Variants in ATP10B observed in about 807,000 individuals in gnomAD.
ATP10B encodes the protein ATPase phospholipid transporting 10B (putative).
ATP10B carries 122 observed loss-of-function variants against 141.2 expected under a neutral mutation model. The ratio of observed to expected loss-of-function variants is 0.86; its 90% CI spans 0.75 to 1.00. The LOEUF (loss-of-function observed/expected upper bound fraction) is 1.00, where lower values mean the gene tolerates loss of function less well. Ranked by LOEUF, ATP10B falls within the 50% of genes least tolerant of loss-of-function variation. ATP10B has a pLI of 0.00. For missense variants in ATP10B, 1,876 were observed against 1,825.3 expected (o/e 1.03, Z -0.51); for synonymous variants, 685 against 692.0 (o/e 0.99, Z 0.16).
chr5:160,618,983 A>C (rs1758175270), intron 15 of ATP10B, among the ~76,000 whole-genome samples: 1 of 152,146 alleles, frequency 6.6e-6, no homozygotes, highest in Non-Finnish European at 1.5e-5. Context: ...CAAAACTCTG[A>C]TTTTTCCATG....
chr5:160,887,136 A>ACAGC, the ATP10B span, among the ~76,000 whole-genome samples: 4 of 152,356 alleles, frequency 2.6e-5, no homozygotes, highest in Admixed American at 2.6e-4. Context: ...AAATGGAAAT[A>ACAGC]CAGCTGTCCT....
chr5:160,903,646 A>G, the ATP10B span, among the ~76,000 whole-genome samples: 2 of 152,144 alleles, frequency 1.3e-5, no homozygotes, highest in Admixed American at 6.5e-5. Context: ...TTCCATTTAG[A>G]TTATGGTAGA....
chr5:160,796,636 G>A (rs1449925418), intron 1 of ATP10B, among the ~76,000 whole-genome samples: 6 of 152,170 alleles, frequency 3.9e-5, no homozygotes, highest in African/African-American at 7.2e-5. Context: ...ATTCCTCCAG[G>A]AGGGCATTTG....
chr5:160,886,371 G>A, the ATP10B span, among the ~76,000 whole-genome samples: 4 of 152,178 alleles, frequency 2.6e-5, no homozygotes, highest in African/African-American at 9.6e-5. Flanking sequence ...AGCATCTCGG[G>A]ATAATTTTAC....
intron 2 of ATP10B, among the ~76,000 whole-genome samples, chr5:160,757,930 A>G (rs1438815432): frequency 6.6e-6 from 1 of 151,906 alleles, no homozygotes; most frequent in Non-Finnish European, 1.5e-5. Flanking sequence ...TAGCACCCCG[A>G]CTCCCAAGTG....
At chr5:160,767,795 A>G (rs186371583) in intron 2 of ATP10B, among the ~76,000 whole-genome samples, 6 of 152,232 alleles carry the variant, frequency 3.9e-5, no homozygotes, top group Admixed American at 2.0e-4. Flanking sequence ...CCTTCTGAAT[A>G]TGGCAATTGC....
intron 12 of ATP10B, chr5:160,634,134 T>C (rs780598372): frequency 1.4e-6 from 1 of 718,878 alleles, no homozygotes; most frequent in South Asian, 1.5e-5. Flanking sequence ...GAACCACATA[T>C]GGGATAACTT....
intron 11 of ATP10B, among the ~76,000 whole-genome samples, chr5:160,635,815 G>A (rs1359609491): frequency 6.6e-6 from 1 of 151,124 alleles, no homozygotes; most frequent in Non-Finnish European, 1.5e-5. Flanking sequence ...TGTTGGGGCA[G>A]AGAGTTCTCT....
rs375402151 is a variant in ATP10B at position 160,615,894 on chromosome 5, C to T, written c.2597G>A (p.Arg866Gln). ...RREAEASLDN[R>Q]DELLMETAQH... ...TGCAGTTTCCATGAGAAGCTCATCT[C>T]GGTTGTCGAGGGATGCCTCAGCCTC... The change falls in exon 17 of 26, where the codon CGA (arginine) becomes CAA (glutamine). Residue 866 changes from arginine to glutamine, a missense_variant. By Grantham distance (43) the Arg-to-Gln change is conservative. Coordinates refer to ENST00000327245, the MANE Select transcript of ATP10B (RefSeq NM_025153.3). 19 of 1,613,828 alleles carry T rather than the reference C, an allele frequency of 1.2e-5. No homozygotes were observed. In the African/African-American group the frequency reaches 1.2e-4, roughly 10 times the overall value.
At chr5:160,677,198 C>T (rs1763085736) in intron 6 of ATP10B, among the ~76,000 whole-genome samples, 2 of 152,210 alleles carry the variant, frequency 1.3e-5, no homozygotes, top group Non-Finnish European at 2.9e-5. Flanking sequence ...ATGACTCTCC[C>T]ACCCAGTGAG....
chr5:160,858,322 T>C, the ATP10B span, among the ~76,000 whole-genome samples: 1 of 151,850 alleles, frequency 6.6e-6, no homozygotes, highest in Admixed American at 6.6e-5. Context: ...AATATATCTT[T>C]TTCCATCCTT....
intron 2 of ATP10B, among the ~76,000 whole-genome samples, chr5:160,740,828 C>T (rs915246460): frequency 4.6e-5 from 7 of 152,104 alleles, no homozygotes; most frequent in Admixed American, 1.3e-4. Flanking sequence ...GTAGCAGTGG[C>T]GGAATTCTTT....
At chr5:160,921,274 GT>G in the ATP10B span, among the ~76,000 whole-genome samples, 11,468 of 121,628 alleles carry the variant, frequency 0.094, 1,433 homozygotes, top group African/African-American at 0.3. Context: ...TCAGCACTTT[GT>G]TTTTTTTTTT....
At chr5:160,684,131 G>A (rs1045020211) in intron 6 of ATP10B, among the ~76,000 whole-genome samples, 1 of 152,172 alleles carries the variant, frequency 6.6e-6, no homozygotes, top group East Asian at 1.9e-4. Flanking sequence ...AGGACAGGTG[G>A]TGTGCAGTCT....
chr5:160,565,704 C>T lies in ATP10B; in HGVS notation c.4135G>A (p.Ala1379Thr), dbSNP rs751389307. The change falls in exon 26 of 26, where the codon GCC becomes ACC. Residue 1379 changes from alanine (A) to threonine (T), a missense_variant. Transcript: ENST00000327245. ...GGGTTAGAGCTCTTTGGGGTGCTGG[C>T]ACTGAAGTCCTGTCCTGTGATAGAT... ...VSSITGQDFS[A>T]STPKSSNPPK... The T allele has an allele frequency of 1.2e-6, 2 of 1,614,076 alleles. No homozygotes were observed. Among genetic ancestry groups the T allele is most frequent in the Admixed American group, 3.3e-5 (2 of 60,020 alleles).
rs370681181 is a variant in ATP10B, at chr5:160,606,786, G to T, written c.3139C>A (p.Arg1047Ser). 1 of 1,613,622 alleles carries T rather than the reference G, an allele frequency of 6.2e-7. No homozygotes were observed. Among genetic ancestry groups the T allele is most frequent in the Non-Finnish European group, 8.5e-7 (1 of 1,179,676 alleles). The change falls in exon 19 of 26, where the codon CGC (arginine) becomes AGC (serine). Residue 1047 changes from arginine (R) to serine (S), a missense_variant. Physicochemically the swap from Arg to Ser is moderately radical, Grantham distance 110. Transcript: ENST00000327245. ...MIVKLVRDKL[R>S]VMTLSIGDGA... ...GTACCTATGGAAAGGGTCATGACGCGCAACTTGTCTCGCACCAGCTTGACT... is the reference window on the plus strand; with the variant it reads ...GTACCTATGGAAAGGGTCATGACGCTCAACTTGTCTCGCACCAGCTTGACT...
intron 24 of ATP10B, among the ~76,000 whole-genome samples, 169 bp from the exon 25 acceptor site, chr5:160,569,852 C>T (rs1282874824): frequency 1.3e-5 from 2 of 152,184 alleles, no homozygotes; most frequent in East Asian, 3.8e-4. Flanking sequence ...CACCAGATTG[C>T]TGCCATGTAG....
At chr5:160,807,065 C>T (rs1772828238) in intron 1 of ATP10B, among the ~76,000 whole-genome samples, 1 of 152,044 alleles carries the variant, frequency 6.6e-6, no homozygotes, top group South Asian at 2.1e-4. Context: ...TAAATTAGAA[C>T]CATGGTAGAA....
At chr5:160,911,746 A>T in the ATP10B span, among the ~76,000 whole-genome samples, 1 of 152,198 alleles carries the variant, frequency 6.6e-6, no homozygotes, top group Non-Finnish European at 1.5e-5. Flanking sequence ...TCATCAGAGG[A>T]TTATACACTT....
Sources: allele counts gnomAD v4.1 joint callset (sites outside exome capture counted in the v4.1 genomes callset), GRCh38; gene constraint gnomAD v4.1.1; transcripts MANE v1.5; gene names NCBI Gene and HGNC (gene_info 2026-07-23, HGNC 2026-07-21).